Variants in PLCL1 observed in about 807,000 individuals in gnomAD.
PLCL1 encodes the protein phospholipase C like 1 (inactive).
A neutral mutation model predicts 84.4 loss-of-function variants in PLCL1; 41 were observed. The ratio of observed to expected loss-of-function variants is 0.49; its 90% CI spans 0.38 to 0.63. PLCL1 has a LOEUF of 0.63. Ranked by LOEUF, PLCL1 falls within the 30% of genes least tolerant of loss-of-function variation. The pLI, the probability that PLCL1 is intolerant of heterozygous loss-of-function variation, is 0.00. For synonymous variants in PLCL1, 490 were observed against 488.3 expected, an observed-to-expected ratio of 1.00 and a Z score of -0.05; for missense variants, 1,206 against 1,367.8, an observed-to-expected ratio of 0.88 and a Z score of 1.87.
chr2:197,806,544 A>G (rs1032616782), intron 1 of PLCL1, among the ~76,000 whole-genome samples: 3 of 152,220 alleles, frequency 2.0e-5, no homozygotes, highest in African/African-American at 7.2e-5. Flanking sequence ...TCTATAATAT[A>G]TAAAGAAGAG....
intron 1 of PLCL1, among the ~76,000 whole-genome samples, chr2:198,064,910 G>A (rs1692287797): frequency 6.6e-6 from 1 of 152,190 alleles, no homozygotes; most frequent in African/African-American, 2.4e-5. Context: ...GTATAGGGAA[G>A]CTTATGGAGA....
At chr2:197,912,953 A>T (rs1159564010) in intron 1 of PLCL1, among the ~76,000 whole-genome samples, 6 of 112,570 alleles carry the variant, frequency 5.3e-5, no homozygotes, top group East Asian at 4.8e-4. Context: ...CAGTATAATA[A>T]AAAAAAATTA....
intron 1 of PLCL1, among the ~76,000 whole-genome samples, chr2:198,033,161 GAAC>G (rs1311584496): frequency 2.4e-4 from 36 of 152,188 alleles, no homozygotes; most frequent in Non-Finnish European, 4.4e-5. Context: ...CCTGGAATCT[GAAC>G]AACAGATAAA....
At chr2:197,948,418 G>T (rs1689323608) in intron 1 of PLCL1, among the ~76,000 whole-genome samples, 1 of 152,156 alleles carries the variant, frequency 6.6e-6, no homozygotes, top group Non-Finnish European at 1.5e-5. Flanking sequence ...CCTTTGACAG[G>T]CTTGTGATAG....
chr2:198,120,767 T>C (rs1174064039), intron 5 of PLCL1, among the ~76,000 whole-genome samples: 1 of 152,122 alleles, frequency 6.6e-6, no homozygotes, highest in East Asian at 1.9e-4. Flanking sequence ...TGAATAGTGC[T>C]GCAATAAACC....
intron 5 of PLCL1, among the ~76,000 whole-genome samples, chr2:198,105,494 A>G (rs1362292784): frequency 6.6e-6 from 1 of 151,790 alleles, no homozygotes; most frequent in Admixed American, 6.6e-5. Context: ...TTCATACTCT[A>G]GGAGATGGGG....
chr2:197,869,141 C>T (rs1476953902), intron 1 of PLCL1, among the ~76,000 whole-genome samples: 1 of 152,070 alleles, frequency 6.6e-6, no homozygotes, highest in East Asian at 1.9e-4. Flanking sequence ...TAGAGAACAA[C>T]TTAGGCTCTG....
intron 1 of PLCL1, among the ~76,000 whole-genome samples, chr2:197,837,302 A>C (rs1252077482): frequency 6.6e-6 from 1 of 152,240 alleles, no homozygotes; most frequent in Admixed American, 6.5e-5. Flanking sequence ...ATAAAAGCAG[A>C]TGTTGGTACA....
intron 1 of PLCL1, among the ~76,000 whole-genome samples, chr2:197,968,586 C>A (rs1036504082): frequency 6.6e-6 from 1 of 152,158 alleles, no homozygotes; most frequent in East Asian, 1.9e-4. Flanking sequence ...TTCCAGTATA[C>A]CATGGTGCTA....
chr2:197,979,817 TA>T (rs1474089855), intron 1 of PLCL1, among the ~76,000 whole-genome samples: 1 of 152,140 alleles, frequency 6.6e-6, no homozygotes, highest in Non-Finnish European at 1.5e-5. Flanking sequence ...ATTCATTATT[TA>T]ATAAAAACTC....
chr2:198,036,167 T>C (rs909531974), intron 1 of PLCL1, among the ~76,000 whole-genome samples: 6 of 152,218 alleles, frequency 3.9e-5, no homozygotes, highest in Admixed American at 3.3e-4. Context: ...TCTTTCTGAC[T>C]CCTCCCTATC....
chr2:197,887,906 C>G (rs372197265), intron 1 of PLCL1, among the ~76,000 whole-genome samples: 1 of 152,030 alleles, frequency 6.6e-6, no homozygotes, highest in African/African-American at 2.4e-5. Flanking sequence ...GAGTTCGAGA[C>G]CAGCCTGGGC....
chr2:197,924,739 G>T (rs145942357), intron 1 of PLCL1, among the ~76,000 whole-genome samples: 2 of 151,856 alleles, frequency 1.3e-5, no homozygotes, highest in African/African-American at 4.8e-5. Flanking sequence ...TTCTTATCTG[G>T]GGGGGTCATG....
chr2:197,875,986 T>C (rs1371268161), intron 1 of PLCL1, among the ~76,000 whole-genome samples: 1 of 152,164 alleles, frequency 6.6e-6, no homozygotes, highest in African/African-American at 2.4e-5. Flanking sequence ...TATATAACAC[T>C]GCTACAGTCA....
intron 1 of PLCL1, among the ~76,000 whole-genome samples, chr2:197,856,849 C>T (rs1189616778): frequency 6.6e-6 from 1 of 152,096 alleles, no homozygotes; most frequent in African/African-American, 2.4e-5. Context: ...TTCTTCATTA[C>T]CTTTATTCTG....
chr2:197,982,718 G>A (rs942218845), intron 1 of PLCL1, among the ~76,000 whole-genome samples: 1 of 152,154 alleles, frequency 6.6e-6, no homozygotes, highest in Non-Finnish European at 1.5e-5. Flanking sequence ...ATATAAATGT[G>A]GGGTAACCTG....
At chr2:197,815,511 A>G (rs1029683979) in intron 1 of PLCL1, among the ~76,000 whole-genome samples, 2 of 152,138 alleles carry the variant, frequency 1.3e-5, no homozygotes, top group Non-Finnish European at 2.9e-5. Context: ...CAGCCTATGG[A>G]TCAAGGAGAA....
At chr2:198,019,288 A>G (rs1691076971) in intron 1 of PLCL1, among the ~76,000 whole-genome samples, 1 of 147,124 alleles carries the variant, frequency 6.8e-6, no homozygotes, top group Non-Finnish European at 1.6e-5. Flanking sequence ...AATCCAGCAT[A>G]AAAAGGGTGA....
At chr2:197,965,653 T>G (rs1689714796) in intron 1 of PLCL1, among the ~76,000 whole-genome samples, 1 of 152,168 alleles carries the variant, frequency 6.6e-6, no homozygotes, top group Non-Finnish European at 1.5e-5. Flanking sequence ...ATTTGAAGTT[T>G]TACTTCTTTT....
Sources: gnomAD v4.1 joint callset for allele counts (sites outside exome capture counted in the v4.1 genomes callset) on GRCh38, gnomAD v4.1.1 for gene constraint, MANE v1.5 for transcripts, NCBI Gene and HGNC (gene_info 2026-07-23, HGNC 2026-07-21) for gene names.